The following KIFC3 variants were observed in gnomAD, a reference collection of about 807,000 sequenced individuals.
KIFC3 encodes the protein kinesin-like protein KIFC3.
KIFC3 carries 60 observed loss-of-function variants against 101.8 expected under a neutral mutation model. The ratio of observed to expected loss-of-function variants is 0.59; its 90% CI spans 0.48 to 0.73. The LOEUF (loss-of-function observed/expected upper bound fraction) is 0.73, where lower values mean the gene tolerates loss of function less well. Ranked by LOEUF, KIFC3 falls within the 30% of genes least tolerant of loss-of-function variation. The pLI is 0.00. For synonymous variants in KIFC3, 476 were observed against 482.7 expected (o/e 0.99, Z 0.18); for missense variants, 966 against 1,137.1 (o/e 0.85, Z 2.16).
intron 1 of KIFC3, among the ~76,000 whole-genome samples, chr16:57,860,422 C>T (rs1317244926): frequency 6.6e-6 from 1 of 152,188 alleles, no homozygotes; most frequent in African/African-American, 2.4e-5. Flanking sequence ...CATTGCACTC[C>T]AGCCTGGGCA....
intron 3 of KIFC3, chr16:57,782,038 G>A (rs1555615055): frequency 2.0e-6 from 2 of 985,336 alleles, no homozygotes; most frequent in African/African-American, 3.5e-5. Context: ...GTACCCCCTG[G>A]CGGGCTTTGC....
At chr16:57,804,539 T>G (rs550170439), upstream of KIFC3, among the ~76,000 whole-genome samples, 1 of 152,338 alleles carries the variant, frequency 6.6e-6, no homozygotes, top group East Asian at 1.9e-4. Context: ...GGAGGTTGTA[T>G]TTTTGGAATT....
rs1165977084 is a variant in KIFC3, at chr16:57,832,321, CTTT to C, written c.108+30405_108+30407del. On this transcript the variant is annotated intron_variant, in intron 1 of 2. Transcript: ENST00000563028. ...CAGCCATGAGCCACGGCGCCAGGCCCTTTTTTTTTTTTTTTTTTTTTTTTTTTT... is the reference window on the plus strand; with the variant it reads ...CAGCCATGAGCCACGGCGCCAGGCCCTTTTTTTTTTTTTTTTTTTTTTTTT... Among the ~76,000 whole-genome samples the C allele has an allele frequency of 5.6e-3, 413 of 73,462 alleles. 2 individuals are homozygous for C. The highest frequency in any genetic ancestry group is 0.022 in the African/African-American group (372 of 16,740). The allele number at this position is 73,462 out of a possible 152,430, so 48.2% of individuals were successfully genotyped here.
intron 1 of KIFC3, among the ~76,000 whole-genome samples, chr16:57,799,544 C>G (rs1555624816): frequency 6.6e-6 from 1 of 152,214 alleles, no homozygotes; most frequent in Non-Finnish European, 1.5e-5. Context: ...TGCACCCACA[C>G]TAAGAACTCT....
intron 1 of KIFC3, among the ~76,000 whole-genome samples, chr16:57,847,010 C>T (rs1461248321): frequency 2.6e-5 from 4 of 151,158 alleles, no homozygotes; most frequent in South Asian, 4.2e-4. Flanking sequence ...CAAGGTGAAA[C>T]CCCATCTCTA....
At chr16:57,814,077 G>A (rs1555628318) in intron 1 of KIFC3, among the ~76,000 whole-genome samples, 1 of 152,174 alleles carries the variant, frequency 6.6e-6, no homozygotes, top group Non-Finnish European at 1.5e-5. Context: ...CCTTGTCATT[G>A]TGGGTCATTC....
chr16:57,806,655 C>G (rs2054944912), upstream of KIFC3, among the ~76,000 whole-genome samples: 1 of 152,150 alleles, frequency 6.6e-6, no homozygotes, highest in Non-Finnish European at 1.5e-5. Flanking sequence ...ACTTTCTTCC[C>G]ATGTAAAGTA....
At chr16:57,796,401 T>C (rs890146552) in intron 2 of KIFC3, among the ~76,000 whole-genome samples, 3 of 152,224 alleles carry the variant, frequency 2.0e-5, no homozygotes, top group African/African-American at 7.2e-5. Context: ...TCTCCCCACC[T>C]GACAGGCAAA....
At position 57,854,155 on chromosome 16, in the gene KIFC3, T is replaced by A. The variant is rs533960975; in HGVS notation, c.108+8574A>T. ...TGGGGTTTCACCATGTTGCTCAGGC[T>A]GGTCTCAAACTCTTGAGTTCAAGCG... On this transcript the variant is annotated intron_variant, in intron 1 of 2. Coordinates refer to the KIFC3 transcript ENST00000563028. Among the ~76,000 whole-genome samples, 129 of 152,198 alleles carry A rather than the reference T, an allele frequency of 8.5e-4. 2 individuals carry two copies. Among genetic ancestry groups the A allele is most frequent in the Non-Finnish European group, 1.1e-3 (77 of 68,006 alleles).
chr16:57,828,856 A>G (rs2055516183), intron 1 of KIFC3, among the ~76,000 whole-genome samples: 1 of 151,610 alleles, frequency 6.6e-6, no homozygotes, highest in Admixed American at 6.6e-5. Flanking sequence ...AGATAGCTTT[A>G]CTGATTGAGC....
intron 3 of KIFC3, among the ~76,000 whole-genome samples, chr16:57,789,657 A>C (rs2053676107): frequency 6.6e-6 from 1 of 152,250 alleles, no homozygotes; most frequent in Non-Finnish European, 1.5e-5. Context: ...AGGTGGCCTT[A>C]CATTTCATGT....
At chr16:57,764,604 T>C (rs1234981283) in intron 11 of KIFC3, among the ~76,000 whole-genome samples, 3 of 152,108 alleles carry the variant, frequency 2.0e-5, no homozygotes, top group Non-Finnish European at 2.9e-5. Context: ...GGGGCAAAGA[T>C]AGAACCAGAC....
At chr16:57,785,548 TAGCTGGGTCTTCTCGTCCTGG>T in intron 3 of KIFC3, 1 of 1,288,708 alleles carries the variant, frequency 7.8e-7, no homozygotes, top group Non-Finnish European at 1.0e-6. Flanking sequence ...GCTCCTCCTG[TAGCTGGGTCTTCTCGTCCTGG>T]AGCTGGGACA....
intron 1 of KIFC3, among the ~76,000 whole-genome samples, chr16:57,801,279 G>A (rs1396116269): frequency 1.3e-5 from 2 of 152,180 alleles, no homozygotes; most frequent in Non-Finnish European, 2.9e-5. Flanking sequence ...GCAGCAAGCA[G>A]GGCTTGGTCG....
rs2049401919 is a variant in KIFC3, at chr16:57,758,528, C to T, written c.*406G>A. 1.8e-6 allele frequency: 1 copy of T among 550,968 alleles called. No individual in the cohort carries two copies. The highest frequency in any genetic ancestry group is 3.4e-6 in the Non-Finnish European group (1 of 292,866). 34.1% of individuals were successfully genotyped at this position (550,968 alleles called of 1,614,324 possible). ...TGGTTCTTGGGTCTGCCCAGAGGCT[C>T]CTCGCCCACCCCCTAAGGAGGGGGC... On this transcript the variant is annotated 3_prime_UTR_variant, in exon 20 of 20. Coordinates refer to ENST00000445690, the MANE Select transcript of KIFC3 (RefSeq NM_001130100.2).
intron 1 of KIFC3, among the ~76,000 whole-genome samples, chr16:57,824,818 G>T (rs916248909): frequency 6.6e-6 from 1 of 152,280 alleles, no homozygotes; most frequent in Middle Eastern, 3.4e-3. Context: ...TTTTTCTAAG[G>T]AATTTTTGTA....
At chr16:57,784,535 G>A (rs568013244) in intron 3 of KIFC3, among the ~76,000 whole-genome samples, 8 of 152,308 alleles carry the variant, frequency 5.3e-5, no homozygotes, top group South Asian at 2.1e-4. Context: ...GGCAGACGTC[G>A]GCATGTCCAG....
At position 57,761,115 on chromosome 16, in the gene KIFC3, G is replaced by A. The variant is rs782485550; in HGVS notation, c.1929C>T (p.His643=). ...RTTEFTNLNE[H]SSRSHALLIV... Reference sequence around the variant, plus strand: ...TGAGCAGCGCGTGCGAGCGGGAGCTGTGCTCGTTCAGGTTGGTGAACTCGG... The same window carrying A: ...TGAGCAGCGCGTGCGAGCGGGAGCTATGCTCGTTCAGGTTGGTGAACTCGG... Residue 643 remains histidine, a synonymous_variant, in exon 15 of 20, where the codon CAC becomes CAT. Transcript: ENST00000445690. 1 of 1,613,892 alleles carries A rather than the reference G, an allele frequency of 6.2e-7. No homozygotes were observed. The highest frequency in any genetic ancestry group is 1.3e-5 in the African/African-American group (1 of 74,938).
chr16:57,775,907 A>C, intron 3 of KIFC3: 1 of 985,562 alleles, frequency 1.0e-6, no homozygotes, highest in Non-Finnish European at 1.2e-6. Flanking sequence ...AGAGCAACTG[A>C]ATCACGGGCC....
Sources: gnomAD v4.1 joint callset for allele counts (sites outside exome capture counted in the v4.1 genomes callset) on GRCh38, gnomAD v4.1.1 for gene constraint, MANE v1.5 for transcripts, NCBI Gene and HGNC (gene_info 2026-07-23, HGNC 2026-07-21) for gene names.